The following OVCH1 variants were observed in gnomAD, a reference collection of about 807,000 sequenced individuals.
OVCH1 encodes the protein ovochymase-1.
Under a neutral mutation model 138.4 loss-of-function variants are expected in OVCH1, and 139 were observed. The ratio of observed to expected loss-of-function variants is 1.00; its 90% CI spans 0.87 to 1.16. OVCH1 has a LOEUF of 1.16. Among genes scored for constraint, OVCH1 ranks in the 50% most tolerant of loss-of-function variants. The pLI is 0.00. For synonymous variants in OVCH1, 453 were observed against 467.8 expected, an observed-to-expected ratio of 0.97 and a Z score of 0.41; for missense variants, 1,367 against 1,357.9, an observed-to-expected ratio of 1.01 and a Z score of -0.11.
At chr12:29,476,716 T>G (rs868741926) in intron 12 of OVCH1, among the ~76,000 whole-genome samples, 4 of 150,956 alleles carry the variant, frequency 2.6e-5, no homozygotes, top group South Asian at 2.1e-4. Flanking sequence ...TATTTTTCAG[T>G]GACCAAGGCA....
At chr12:29,460,299 T>TA (rs1478511289) in intron 19 of OVCH1, among the ~76,000 whole-genome samples, 1 of 152,162 alleles carries the variant, frequency 6.6e-6, no homozygotes, top group Non-Finnish European at 1.5e-5. Context: ...ACAACATAAT[T>TA]AGTTGTGATT....
intron 19 of OVCH1, among the ~76,000 whole-genome samples, chr12:29,460,884 A>C (rs964279414): frequency 3.3e-5 from 5 of 152,186 alleles, no homozygotes; most frequent in African/African-American, 1.2e-4. Flanking sequence ...GCAAAATTCA[A>C]ACAGAATTTA....
At chr12:29,477,709 A>G in intron 9 of OVCH1, 1 of 1,064,002 alleles carries the variant, frequency 9.4e-7, no homozygotes, top group Non-Finnish European at 1.3e-6. Context: ...TTCAGGGCCT[A>G]ACTCAAAATT....
intron 21 of OVCH1, among the ~76,000 whole-genome samples, chr12:29,453,570 C>T (rs893793782): frequency 8.5e-5 from 13 of 152,204 alleles, no homozygotes; most frequent in African/African-American, 3.1e-4. Context: ...TCCATCTTTT[C>T]AGCCTCCCTT....
chr12:29,433,874 G>A, intron 26 of OVCH1: 1 of 1,252,388 alleles, frequency 8.0e-7, no homozygotes, highest in East Asian at 3.3e-5. Flanking sequence ...CAATTAACAT[G>A]TCCAAAAAAA....
intron 25 of OVCH1, among the ~76,000 whole-genome samples, chr12:29,442,366 T>G (rs10771534): frequency 0.98 from 137,004 of 140,214 alleles, 66,958 homozygotes; most frequent in East Asian, 1. Context: ...GTAAACTATC[T>G]CAAGAACAAA....
chr12:29,465,386 G>T (rs935609615), intron 16 of OVCH1, among the ~76,000 whole-genome samples, 167 bp from the exon 17 acceptor site: 1 of 152,126 alleles, frequency 6.6e-6, no homozygotes, highest in African/African-American at 2.4e-5. Flanking sequence ...TGCATGGCTG[G>T]GGAGGCCTCA....
chr12:29,483,309 T>G (rs765357487), intron 8 of OVCH1, among the ~76,000 whole-genome samples: 1 of 152,184 alleles, frequency 6.6e-6, no homozygotes, highest in Non-Finnish European at 1.5e-5. Flanking sequence ...AATATCCTTC[T>G]AACAGCTTAA....
intron 8 of OVCH1, among the ~76,000 whole-genome samples, chr12:29,481,931 C>T (rs1434524093): frequency 6.6e-6 from 1 of 152,224 alleles, no homozygotes; most frequent in African/African-American, 2.4e-5. Flanking sequence ...TTCACCACCT[C>T]TACAAATGTG....
At chr12:29,413,814 A>ACTT (rs1940995070) in intron 3 of OVCH1, among the ~76,000 whole-genome samples, 1 of 152,156 alleles carries the variant, frequency 6.6e-6, no homozygotes, top group East Asian at 1.9e-4. Flanking sequence ...TACTGTTCTT[A>ACTT]AAAAAATTGT....
At chr12:29,443,255 A>G in intron 25 of OVCH1, 106 bp downstream of exon 25, 1 of 1,064,340 alleles carries the variant, frequency 9.4e-7, no homozygotes, top group Non-Finnish European at 1.3e-6. Flanking sequence ...CTATAAGAAG[A>G]GACTAGTGTA....
At chr12:29,446,819 GT>G (rs891507624) in intron 22 of OVCH1, among the ~76,000 whole-genome samples, 15 of 148,826 alleles carry the variant, frequency 1.0e-4, no homozygotes, top group South Asian at 4.2e-4. Flanking sequence ...GATTTTTAAA[GT>G]TTTTTTTTTA....
At chr12:29,408,827 T>C (rs1465423815), downstream of OVCH1, among the ~76,000 whole-genome samples, 5 of 152,072 alleles carry the variant, frequency 3.3e-5, no homozygotes, top group African/African-American at 1.2e-4. Flanking sequence ...CCTCATAACA[T>C]GAGTTAGGGA....
At chr12:29,493,573 G>A (rs1019456803) in intron 4 of OVCH1, among the ~76,000 whole-genome samples, 2 of 151,894 alleles carry the variant, frequency 1.3e-5, no homozygotes, top group Non-Finnish European at 2.9e-5. Flanking sequence ...GTCTTCTCCG[G>A]GTAATTATTT....
rs1942262436 is a variant in OVCH1 at position 29,464,868 on chromosome 12, A to G, written c.1930-166T>C. On this transcript the variant is annotated intron_variant, in intron 17 of 27. Coordinates refer to ENST00000318184, the Ensembl canonical transcript of OVCH1. ...AGAGCAATATTGGTTTACAATTTGC[A>G]GGGGGCTATGAACCACCTTCTGGAT... 5 of 705,492 alleles carry G rather than the reference A, an allele frequency of 7.1e-6. No individual in the cohort carries two copies. In the South Asian group the frequency reaches 1.0e-4, roughly 14 times the overall value. The allele number at this position is 705,492 out of a possible 1,614,324, so 43.7% of individuals were successfully genotyped here.
At chr12:29,465,413 G>A (rs1942281358) in intron 16 of OVCH1, among the ~76,000 whole-genome samples, 194 bp from the exon 17 acceptor site, 1 of 152,168 alleles carries the variant, frequency 6.6e-6, no homozygotes, top group Non-Finnish European at 1.5e-5. Context: ...TTACAATCAT[G>A]GCTGAAGGCA....
chr12:29,444,539 T>C (rs1941565141), intron 23 of OVCH1, among the ~76,000 whole-genome samples: 1 of 152,066 alleles, frequency 6.6e-6, no homozygotes, highest in South Asian at 2.1e-4. Flanking sequence ...CTATAGATAA[T>C]ACCTGTTAAC....
intron 21 of OVCH1, among the ~76,000 whole-genome samples, chr12:29,453,965 C>G (rs1260750936): frequency 6.6e-6 from 1 of 151,936 alleles, no homozygotes; most frequent in South Asian, 2.1e-4. Flanking sequence ...ATCCTTTTTT[C>G]TCTTAAAAAT....
intron 15 of OVCH1, among the ~76,000 whole-genome samples, chr12:29,472,418 C>T (rs758540522): frequency 2.6e-5 from 4 of 152,120 alleles, no homozygotes; most frequent in Non-Finnish European, 5.9e-5. Flanking sequence ...TGTATGAATC[C>T]ATGTATCAAT....
Sources: allele counts gnomAD v4.1 joint callset (sites outside exome capture counted in the v4.1 genomes callset), GRCh38; gene constraint gnomAD v4.1.1; transcripts MANE v1.5; gene names NCBI Gene and HGNC (gene_info 2026-07-23, HGNC 2026-07-21).